Variants in TM2D1 observed in about 807,000 individuals in gnomAD.
The protein encoded by TM2D1 is TM2 domain containing 1.
In TM2D1, 15 loss-of-function variants were observed where a neutral mutation model predicts 28.4. The observed-to-expected ratio is 0.53, with a 90% CI of 0.35 to 0.81. The LOEUF (loss-of-function observed/expected upper bound fraction) is 0.81. TM2D1 is among the 40% of genes least tolerant of loss of function. The pLI is 0.01. For synonymous variants in TM2D1, 93 were observed against 96.2 expected (o/e 0.97, Z 0.20); for missense variants, 236 against 254.9 (o/e 0.93, Z 0.50).
At chr1:61,717,676 A>C (rs1201229407) in intron 2 of TM2D1, among the ~76,000 whole-genome samples, 1 of 152,078 alleles carries the variant, frequency 6.6e-6, no homozygotes, top group Non-Finnish European at 1.5e-5. Context: ...TGCGCTCAAG[A>C]CATCCTCCAG....
chr1:61,711,140 C>G (rs2148058849), intron 2 of TM2D1, among the ~76,000 whole-genome samples: 1 of 152,124 alleles, frequency 6.6e-6, no homozygotes, highest in South Asian at 2.1e-4. Flanking sequence ...GAGTGCGACA[C>G]CAGCCTGGGC....
chr1:61,723,222 T>C (rs1275337462), intron 2 of TM2D1, among the ~76,000 whole-genome samples: 1 of 152,044 alleles, frequency 6.6e-6, no homozygotes, highest in African/African-American at 2.4e-5. Flanking sequence ...ATCAAAGTAA[T>C]AGAAATGACA....
At chr1:61,713,884 CTTTTTTTT>C (rs372226143) in intron 2 of TM2D1, among the ~76,000 whole-genome samples, 83 of 106,226 alleles carry the variant, frequency 7.8e-4, no homozygotes, top group African/African-American at 2.4e-3. Context: ...CCAAATATTT[CTTTTTTTT>C]TTTTTTTTTT....
chr1:61,691,312 T>C (rs1405660627), intron 5 of TM2D1, among the ~76,000 whole-genome samples: 4 of 150,092 alleles, frequency 2.7e-5, no homozygotes, highest in Admixed American at 6.7e-5. Context: ...CCTGACCAAA[T>C]TGGTGAAACC....
intron 2 of TM2D1, among the ~76,000 whole-genome samples, chr1:61,715,684 A>C (rs72925685): frequency 6.8e-6 from 1 of 147,846 alleles, no homozygotes. Context: ...AACAAGAAAG[A>C]AGGAAAAAAA....
At chr1:61,690,034 T>C (rs1483663154) in intron 5 of TM2D1, among the ~76,000 whole-genome samples, 2 of 152,296 alleles carry the variant, frequency 1.3e-5, no homozygotes, top group East Asian at 3.9e-4. Flanking sequence ...CTTTACACCA[T>C]GTGGGCACAT....
intron 5 of TM2D1, among the ~76,000 whole-genome samples, chr1:61,687,726 A>G (rs958449902): frequency 3.3e-5 from 5 of 152,144 alleles, no homozygotes; most frequent in African/African-American, 1.2e-4. Context: ...AGACCATTTT[A>G]TATCAATCTA....
At chr1:61,710,204 G>A (rs909083776) in intron 2 of TM2D1, among the ~76,000 whole-genome samples, 1 of 151,818 alleles carries the variant, frequency 6.6e-6, no homozygotes, top group Non-Finnish European at 1.5e-5. Flanking sequence ...CACTTTGGGA[G>A]GCTGAGATGG....
At chr1:61,714,849 T>C (rs185425956) in intron 2 of TM2D1, among the ~76,000 whole-genome samples, 15 of 152,314 alleles carry the variant, frequency 9.8e-5, no homozygotes, top group East Asian at 9.6e-4. Context: ...GCCAACAGTA[T>C]CTATTTTTCA....
chr1:61,721,710 A>G (rs1644566167), intron 2 of TM2D1, among the ~76,000 whole-genome samples: 1 of 151,984 alleles, frequency 6.6e-6, no homozygotes, highest in Admixed American at 6.6e-5. Flanking sequence ...TTTTTCTCCT[A>G]TGTTAGAACC....
chr1:61,683,407 TA>T lies in TM2D1; in HGVS notation c.*19+9del. On this transcript the variant is annotated intron_variant, in intron 6 of 6. Transcript: ENST00000606498. ...CTATAAGATATTACATATATATATA[TA>T]TCACTTACTGTTTCTTTTAAAAAAT... 1.2e-6 allele frequency: 1 copy of T among 853,828 alleles called. No homozygotes were observed. Among genetic ancestry groups the T allele is most frequent in the Non-Finnish European group, 1.8e-6 (1 of 563,588 alleles). The allele number at this position is 853,828 out of a possible 1,614,324, so 52.9% of individuals were successfully genotyped here.
intron 4 of TM2D1, 45 bp downstream of exon 4, chr1:61,700,889 A>T: frequency 1.4e-6 from 2 of 1,433,032 alleles, no homozygotes; most frequent in South Asian, 2.5e-5. Flanking sequence ...CAATGAACTA[A>T]AATATAGGTT....
At chr1:61,691,933 A>AAAAAATAAATATATATATG (rs1491136530) in intron 5 of TM2D1, among the ~76,000 whole-genome samples, 1 of 83,026 alleles carries the variant, frequency 1.2e-5, no homozygotes. Context: ...AAAAAAAAAA[A>AAAAAATAAATATATATATG]TATATATATA....
intron 5 of TM2D1, among the ~76,000 whole-genome samples, chr1:61,691,871 A>G (rs1412028038): frequency 6.8e-6 from 1 of 146,610 alleles, no homozygotes; most frequent in Non-Finnish European, 1.5e-5. Flanking sequence ...GCCGAGATCA[A>G]GCCACTGCAC....
chr1:61,700,883 G>T, intron 4 of TM2D1, 51 bp downstream of exon 4: 1 of 1,349,330 alleles, frequency 7.4e-7, no homozygotes, highest in South Asian at 1.3e-5. Context: ...CACCTACAAT[G>T]AACTAAAATA....
chr1:61,697,212 A>G (rs1249379892), intron 4 of TM2D1, among the ~76,000 whole-genome samples: 1 of 151,088 alleles, frequency 6.6e-6, no homozygotes, highest in East Asian at 1.9e-4. Flanking sequence ...CGTTTGGAGT[A>G]AGATATGCTG....
chr1:61,695,090 G>A (rs77550166), intron 4 of TM2D1, among the ~76,000 whole-genome samples: 1,531 of 151,898 alleles, frequency 0.01, 26 homozygotes, highest in African/African-American at 0.034. Context: ...GTACACCAGA[G>A]TTACATCTTT....
At chr1:61,702,830 C>CT (rs1159752872) in intron 3 of TM2D1, among the ~76,000 whole-genome samples, 2 of 151,334 alleles carry the variant, frequency 1.3e-5, no homozygotes, top group Admixed American at 1.3e-4. Flanking sequence ...ATGGGGCCAG[C>CT]TGTGGTAGCT....
intron 3 of TM2D1, among the ~76,000 whole-genome samples, chr1:61,705,173 G>A (rs1203472854): frequency 6.6e-6 from 1 of 152,086 alleles, no homozygotes; most frequent in East Asian, 1.9e-4. Flanking sequence ...AAAACTGGTA[G>A]TATAGCAGAG....
Sources: gnomAD v4.1 joint callset for allele counts (sites outside exome capture counted in the v4.1 genomes callset) on GRCh38, gnomAD v4.1.1 for gene constraint, MANE v1.5 for transcripts, NCBI Gene and HGNC (gene_info 2026-07-23, HGNC 2026-07-21) for gene names.